Variants in H2BW1 observed in about 807,000 individuals in gnomAD.
H2BW1 encodes H2B.W histone 1.
Under a neutral mutation model 8.0 loss-of-function variants are expected in H2BW1, and 9 were observed. That is an observed-to-expected ratio of 1.13 (90% CI 0.68 to 1.97). The LOEUF (loss-of-function observed/expected upper bound fraction) is 1.97, where lower values mean the gene tolerates loss of function less well. H2BW1 is among the 30% of genes most tolerant of loss of function. H2BW1 has a pLI of 0.00. For missense variants in H2BW1, 137 were observed against 132.0 expected (o/e 1.04, Z -0.19); for synonymous variants, 58 against 54.7 (o/e 1.06, Z -0.26).
At chrX:104,013,053 G>T in intron 1 of H2BW1, 117 bp downstream of exon 1, 3 of 1,026,648 alleles carry the variant, frequency 2.9e-6, no homozygotes, top group Non-Finnish European at 3.9e-6. Flanking sequence ...GCCTCCGGTG[G>T]TGTCCCCCTT....
At position 104,013,413 on chromosome X, in the gene H2BW1, G is replaced by A; in HGVS notation, c.164C>T (p.Thr55Ile). 1.6e-6 allele frequency: 2 copies of A among 1,212,392 alleles called. No individual in the cohort carries two copies. Among genetic ancestry groups the A allele is most frequent in the Non-Finnish European group, 2.2e-6 (2 of 895,654 alleles). The change falls in exon 1 of 3, where the codon ACC (threonine) becomes ATC (isoleucine). Residue 55 changes from threonine (T) to isoleucine (I), a missense_variant. Coordinates refer to ENST00000217926, the MANE Select transcript of H2BW1 (RefSeq NM_001002916.5). ...CTGCTTCAGCACCCGGCGGAAATAG[G>A]TGGCGAAGCTGTCCCCGCGGCAGTT... The part of the protein sequence containing the change: ...HSNCRGDSFA[T>I]YFRRVLKQVH...
rs781994886 is a variant in H2BW1 at position 104,013,404 on chromosome X, C to T, written c.173G>A (p.Arg58His). 25 of 1,210,959 alleles carry T rather than the reference C, an allele frequency of 2.1e-5. No individual in the cohort carries two copies. The highest frequency in any genetic ancestry group is 1.1e-4 in the South Asian group (6 of 56,880). Residue 58 changes from arginine (R) to histidine (H), a missense_variant, in exon 1 of 3, where the codon CGC (arginine) becomes CAC (histidine). Physicochemically the swap from Arg to His is conservative, Grantham distance 29 (BLOSUM62 0). Transcript: ENST00000217926. ...CRGDSFATYF[R>H]RVLKQVHQGL... ...CTGGTGAACCTGCTTCAGCACCCGG[C>T]GGAAATAGGTGGCGAAGCTGTCCCC...
At chrX:104,012,646 G>C in intron 2 of H2BW1, 44 bp downstream of exon 2, 1 of 1,207,732 alleles carries the variant, frequency 8.3e-7, no homozygotes, top group Admixed American at 2.2e-5. Flanking sequence ...TTATTTACAT[G>C]GATTCGTGAT....
chrX:104,012,876 G>C (rs1157336875), intron 1 of H2BW1, 128 bp from the exon 2 acceptor site: 3 of 1,035,456 alleles, frequency 2.9e-6, no homozygotes, highest in Non-Finnish European at 4.0e-6. Flanking sequence ...ACGAAACTGA[G>C]GAAATGAAAC....
rs782479997 is a variant in H2BW1 at position 104,012,699 on chromosome X, T to G, written c.*13A>C. The G allele has an allele frequency of 1.7e-5, 20 of 1,210,093 alleles. No homozygotes were observed. The highest frequency in any genetic ancestry group is 2.2e-5 in the Non-Finnish European group (20 of 895,304). On this transcript the variant is annotated 3_prime_UTR_variant, in exon 2 of 3. Coordinates refer to ENST00000217926, the MANE Select transcript of H2BW1 (RefSeq NM_001002916.5). ...CATTTAGGAGGGTTACCTTGCTTCT[T>G]GTATCAGCGTATTCACTTTCTCTGT...
Position 104,013,457 on chromosome X carries a change from C to T in H2BW1, c.120G>A (p.Gly40=). 1.7e-6 allele frequency: 2 copies of T among 1,211,962 alleles called. No homozygotes were observed. The highest frequency in any genetic ancestry group is 2.2e-6 in the Non-Finnish European group (2 of 895,507). ...GGCAGTTGGAGTGGCACCTGCGGGG[C>T]CCATGGCGCCCTCGCTTCCTCTGCT... is the stretch of plus-strand genomic sequence containing the variant. ...QSKQRKRGRH[G]PRRCHSNCRG... is the part of the protein sequence containing the mutation. Residue 40 remains glycine (G), a synonymous_variant, in exon 1 of 3, where the codon GGG becomes GGA. Transcript: ENST00000217926.
Position 104,013,246 on chromosome X carries a change from G to A in H2BW1, c.331C>T (p.Arg111Trp), listed in dbSNP as rs374202145. The change falls in exon 1 of 3, where the codon CGG (arginine) becomes TGG (tryptophan). Residue 111 changes from arginine (R) to tryptophan (W), a missense_variant. Coordinates refer to ENST00000217926, the MANE Select transcript of H2BW1 (RefSeq NM_001002916.5). Reference sequence around the variant, plus strand: ...GGCAGCAGCAGGCGCACAGCCATCCGGGTCTCCCAGGCAGTGATGGTCTGG... The same window carrying A: ...GGCAGCAGCAGGCGCACAGCCATCCAGGTCTCCCAGGCAGTGATGGTCTGG... ...KRQTITAWET[R>W]MAVRLLLPGQ... 2.2e-5 allele frequency: 27 copies of A among 1,210,628 alleles called. 1 individual carries two copies. Among genetic ancestry groups the A allele is most frequent in the South Asian group, 1.6e-4 (9 of 56,795 alleles).
rs781851808 is a variant in H2BW1, at chrX:104,013,333, C to T, written c.244G>A (p.Val82Ile). The T allele has an allele frequency of 3.3e-6, 4 of 1,211,990 alleles. No individual in the cohort carries two copies. The African/African-American group carries it at 5.2e-5, about 16-fold the overall frequency. ...REAVSVMDSL[V>I]HDILDRIATE... ...GCGATGCGGTCCAATATGTCATGAA[C>T]CAAAGAATCCATGACACTCACGGCC... Residue 82 changes from valine to isoleucine, a missense_variant, in exon 1 of 3, where the codon GTT becomes ATT. Val to Ile is a conservative substitution (Grantham distance 29). Coordinates refer to ENST00000217926, the MANE Select transcript of H2BW1 (RefSeq NM_001002916.5).
At chrX:104,013,073 CT>C (rs1380382278) in intron 1 of H2BW1, 96 bp downstream of exon 1, 2 of 1,100,591 alleles carry the variant, frequency 1.8e-6, no homozygotes, top group East Asian at 6.1e-5. Flanking sequence ...TGGCGAGCCA[CT>C]GGTCTTTCAG....
In H2BW1 at chrX:104,013,229, C is replaced by T. The variant is rs782742663; in HGVS notation, c.348G>A (p.Leu116=). 2.5e-6 allele frequency: 3 copies of T among 1,211,596 alleles called. No homozygotes were observed. The highest frequency in any genetic ancestry group is 3.4e-6 in the Non-Finnish European group (3 of 895,290). ...GCTTGCCCATCTGCCCCGGCAGCAG[C>T]AGGCGCACAGCCATCCGGGTCTCCC... The part of the protein sequence containing the change: ...TAWETRMAVR[L]LLPGQMGKLA... Residue 116 remains leucine (L), a synonymous_variant, in exon 1 of 3, where the codon CTG becomes CTA. Transcript: ENST00000217926.
chrX:104,013,098 G>A, intron 1 of H2BW1, 72 bp downstream of exon 1: 1 of 1,135,299 alleles, frequency 8.8e-7, no homozygotes, highest in East Asian at 3.0e-5. Context: ...ACATTCAGTG[G>A]CTCTGAAAAG....
At position 104,011,166 on chromosome X, in the gene H2BW1, G is replaced by T. The variant is rs1262486177; in HGVS notation, c.*320C>A. ...CAAGGATAATTTTAGAAATTTATTT[G>T]TATGTCCCATTTGACAGAAAGACTG... is the stretch of plus-strand genomic sequence containing the variant. On this transcript the variant is annotated 3_prime_UTR_variant, in exon 3 of 3. Transcript: ENST00000217926. The T allele has an allele frequency of 8.9e-6, 1 of 112,891 alleles. No homozygotes were observed. Among genetic ancestry groups the T allele is most frequent in the Non-Finnish European group, 1.9e-5 (1 of 53,403 alleles). 9.3% of individuals were successfully genotyped at this position (112,891 alleles called of 1,213,427 possible). A position where few individuals can be genotyped will look rare whatever the true frequency, so the allele number is the denominator to read the frequency against.
chrX:104,013,396 G>C lies in H2BW1; in HGVS notation c.181C>G (p.Leu61Val), dbSNP rs782217456. ...CTGAGGCCCTGGTGAACCTGCTTCA[G>C]CACCCGGCGGAAATAGGTGGCGAAG... ...DSFATYFRRV[L>V]KQVHQGLSLS... is the part of the protein sequence containing the mutation. The change falls in exon 1 of 3, where the codon CTG becomes GTG. Residue 61 changes from leucine (L) to valine (V), a missense_variant. Physicochemically the swap from Leu to Val is conservative, Grantham distance 32. Transcript: ENST00000217926. 65 of 1,211,014 alleles carry C rather than the reference G, an allele frequency of 5.4e-5. No individual in the cohort carries two copies. The highest frequency in any genetic ancestry group is 1.3e-5 in the Non-Finnish European group (12 of 895,458).
chrX:104,013,671 C>T lies in H2BW1; in HGVS notation c.-95G>A, dbSNP rs782063899. On this transcript the variant is annotated 5_prime_UTR_variant, in exon 1 of 3. Transcript: ENST00000217926. Reference sequence around the variant, plus strand: ...TTCGGTACGCAGCATGGCTCCACGTCTCGGGCCAGCTTCACGTCTGATTGG... The same window carrying T: ...TTCGGTACGCAGCATGGCTCCACGTTTCGGGCCAGCTTCACGTCTGATTGG... 1 of 1,189,763 alleles carries T rather than the reference C, an allele frequency of 8.4e-7. No homozygotes were observed. Among genetic ancestry groups the T allele is most frequent in the Admixed American group, 2.3e-5 (1 of 42,821 alleles).
chrX:104,012,833 G>C lies in H2BW1; in HGVS notation c.408-85C>G. ...CAGTAATAATATCACCATATAGATA[G>C]CCTAGAAACATAACTAACAAAAATG... is the stretch of plus-strand genomic sequence containing the variant. On this transcript the variant is annotated intron_variant, in intron 1 of 2. Transcript: ENST00000217926. The C allele has an allele frequency of 3.5e-6, 4 of 1,151,723 alleles. No individual in the cohort carries two copies. The South Asian group carries it at 7.6e-5, about 22-fold the overall frequency. The allele number at this position is 1,151,723 out of a possible 1,213,427, so 94.9% of individuals were successfully genotyped here.
At position 104,013,471 on chromosome X, in the gene H2BW1, G is replaced by A. The variant is rs782155987; in HGVS notation, c.106C>T (p.Arg36Ter). ...TSQKQSKQRKRGRHGPRRCHS... is the reference protein window; with the variant it reads ...TSQKQSKQRK ...CACCTGCGGGGCCCATGGCGCCCTC[G>A]CTTCCTCTGCTTGCTCTGCTTCTGG... Residue 36 changes from arginine (R) to a stop codon, truncating the protein, a stop_gained, in exon 1 of 3, where the codon CGA becomes TGA. Transcript: ENST00000217926. LOFTEE classifies it high-confidence loss of function. 31 of 1,210,331 alleles carry A rather than the reference G, an allele frequency of 2.6e-5. No individual in the cohort carries two copies. Among genetic ancestry groups the A allele is most frequent in the East Asian group, 8.9e-5 (3 of 33,754 alleles).
intron 2 of H2BW1, among the ~76,000 whole-genome samples, 166 bp from the exon 3 acceptor site, chrX:104,011,629 G>A (rs1556337239): frequency 9.0e-6 from 1 of 111,218 alleles, no homozygotes; most frequent in African/African-American, 3.3e-5. Context: ...TTTCCCTCTT[G>A]ACCAAACGGT....
chrX:104,012,594 T>A, intron 2 of H2BW1, 96 bp downstream of exon 2: 1 of 1,134,387 alleles, frequency 8.8e-7, no homozygotes, highest in Non-Finnish European at 1.2e-6. Flanking sequence ...TTCTTGAAAA[T>A]TTTATTTAGC....
intron 2 of H2BW1, among the ~76,000 whole-genome samples, chrX:104,012,175 A>G (rs1309177937): frequency 8.9e-6 from 1 of 112,455 alleles, no homozygotes; most frequent in African/African-American, 3.2e-5. Context: ...CCTCTGCATA[A>G]CTTGATGCTA....
Sources: gnomAD v4.1 joint callset for allele counts (sites outside exome capture counted in the v4.1 genomes callset) on GRCh38, gnomAD v4.1.1 for gene constraint, MANE v1.5 for transcripts, NCBI Gene and HGNC (gene_info 2026-07-23, HGNC 2026-07-21) for gene names.